BRCA1: variants seen among roughly 807,000 people sequenced by gnomAD.
The protein encoded by BRCA1 is BRCA1 DNA repair associated, also known as breast cancer type 1 susceptibility protein.
BRCA1 carries 140 observed loss-of-function variants against 173.7 expected under a neutral mutation model. That is an observed-to-expected ratio of 0.81 (90% confidence interval 0.70 to 0.93). The LOEUF is 0.93. Ranked by LOEUF, BRCA1 falls within the 40% of genes least tolerant of loss-of-function variation. The probability of loss-of-function intolerance (pLI) is 0.00; values close to 1 mark genes in which losing one functional copy is unlikely to be tolerated. For synonymous variants in BRCA1, 662 were observed against 756.0 expected (o/e 0.88, Z 2.04); for missense variants, 1,983 against 2,172.5 (o/e 0.91, Z 1.73).
At chr17:43,118,713 A>G (rs2055409452) in intron 2 of BRCA1, among the ~76,000 whole-genome samples, 1 of 151,298 alleles carries the variant, frequency 6.6e-6, no homozygotes, top group South Asian at 2.1e-4. Context: ...CTGGGATTAC[A>G]GGTGTGAGCT....
intron 18 of BRCA1, among the ~76,000 whole-genome samples, chr17:43,062,370 T>A (rs1404950366): frequency 2.0e-5 from 3 of 152,082 alleles, no homozygotes; most frequent in Non-Finnish European, 4.4e-5. Context: ...GCTGAGATTA[T>A]AAGTGTGAGC....
chr17:43,154,761 T>C (rs1259078514), intron 1 of BRCA1, among the ~76,000 whole-genome samples: 2 of 152,016 alleles, frequency 1.3e-5, no homozygotes, highest in Admixed American at 1.3e-4. Flanking sequence ...GCTCTCACAT[T>C]CTAGTGTGGT....
intron 22 of BRCA1, 120 bp from the exon 23 acceptor site, chr17:43,045,922 ATT>A (rs375078966): frequency 0.014 from 13,094 of 926,764 alleles, no homozygotes; most frequent in East Asian, 0.018. Context: ...GTAGAAGCTA[ATT>A]TTTTTTTTTT....
chr17:43,168,447 G>A (rs8068432), intron 1 of BRCA1, among the ~76,000 whole-genome samples: 51 of 152,316 alleles, frequency 3.3e-4, no homozygotes, highest in African/African-American at 1.2e-3. Context: ...AGACCAGCCT[G>A]ACCAATACGG....
chr17:43,146,771 G>T (rs929220069), intron 1 of BRCA1, among the ~76,000 whole-genome samples: 1 of 152,142 alleles, frequency 6.6e-6, no homozygotes, highest in African/African-American at 2.4e-5. Flanking sequence ...CTAGGGCAGG[G>T]CCTCACTCTC....
intron 2 of BRCA1, among the ~76,000 whole-genome samples, chr17:43,118,865 G>T (rs1454018982): frequency 1.5e-4 from 22 of 151,432 alleles, no homozygotes; most frequent in African/African-American, 5.1e-4. Context: ...TCGGATTGAA[G>T]TGATTCTTGT....
chr17:43,100,619 AC>A (rs2054374981), intron 6 of BRCA1, among the ~76,000 whole-genome samples: 1 of 51,504 alleles, frequency 1.9e-5, no homozygotes, highest in African/African-American at 1.1e-4. Flanking sequence ...CATATATATA[AC>A]ATATATATAT....
chr17:43,076,572 TG>T lies in BRCA1; in HGVS notation c.4399del (p.Gln1467ArgfsTer38). ...SQKSSEYPIS[Q>X]NPEGLSADKF... ...GTCAGCAGAAAGGCCTTCTGGATTCTGGCTTATAGGGTATTCACTACTTTTC... is the reference window on the plus strand; with the variant it reads ...GTCAGCAGAAAGGCCTTCTGGATTCTGCTTATAGGGTATTCACTACTTTTC... On this transcript the variant is annotated frameshift_variant, in exon 13 of 23. Coordinates refer to ENST00000357654, the MANE Select transcript of BRCA1 (RefSeq NM_007294.4). LOFTEE classifies it high-confidence loss of function. The T allele has an allele frequency of 6.2e-7, 1 of 1,613,776 alleles. No homozygotes were observed.
intron 8 of BRCA1, 34 bp downstream of exon 8, chr17:43,097,210 C>T (rs2154520726): frequency 6.3e-6 from 10 of 1,597,122 alleles, no homozygotes; most frequent in Non-Finnish European, 8.6e-6. Flanking sequence ...TAGGAAAATA[C>T]CAGCTTCATA....
chr17:43,108,018 G>A (rs1038530821), intron 3 of BRCA1, among the ~76,000 whole-genome samples: 1 of 151,992 alleles, frequency 6.6e-6, no homozygotes, highest in African/African-American at 2.4e-5. Flanking sequence ...ACAATGAAGA[G>A]ACCCAGGAAA....
chr17:43,086,949 T>C (rs963854577), intron 11 of BRCA1, among the ~76,000 whole-genome samples: 1 of 152,164 alleles, frequency 6.6e-6, no homozygotes, highest in Non-Finnish European at 1.5e-5. Flanking sequence ...TCTAGAGGGA[T>C]TTGCTCTGTA....
intron 2 of BRCA1, among the ~76,000 whole-genome samples, chr17:43,116,951 T>A (rs1422467397): frequency 6.6e-6 from 1 of 152,212 alleles, no homozygotes; most frequent in Non-Finnish European, 1.5e-5. Flanking sequence ...TGGTGAGGTT[T>A]AACTTGTTCC....
At chr17:43,062,699 G>A (rs1180660175) in intron 18 of BRCA1, among the ~76,000 whole-genome samples, 1 of 152,130 alleles carries the variant, frequency 6.6e-6, no homozygotes, top group Admixed American at 6.5e-5. Context: ...CCGGGTTCAA[G>A]AGATTCTCCT....
rs528681099 is a variant in BRCA1 at position 43,052,542 on chromosome 17, C to G, written c.5278-1425G>C. 1.2e-4 allele frequency among the ~76,000 whole-genome samples: 19 copies of G among 152,220 alleles called. 1 individual carries two copies. In the South Asian group the frequency reaches 3.3e-3, roughly 27 times the overall value. ...TAAACACACTGGCATAGGTTCTTAG[C>G]AAATAACTTGGGTATCACTTAAAAA... is the stretch of plus-strand genomic sequence containing the variant. On this transcript the variant is annotated intron_variant, in intron 19 of 22. Coordinates refer to ENST00000357654, the MANE Select transcript of BRCA1 (RefSeq NM_007294.4).
intron 16 of BRCA1, among the ~76,000 whole-genome samples, chr17:43,066,365 C>T (rs1284947947): frequency 6.6e-6 from 1 of 152,012 alleles, no homozygotes; most frequent in African/African-American, 2.4e-5. Flanking sequence ...AATACTCAAA[C>T]TAGGTGTTAC....
chr17:43,119,636 T>C (rs796760656), intron 2 of BRCA1, among the ~76,000 whole-genome samples: 19 of 152,112 alleles, frequency 1.2e-4, no homozygotes, highest in African/African-American at 4.4e-4. Context: ...ATTGGTATTA[T>C]TACTGGGACC....
intron 1 of BRCA1, among the ~76,000 whole-genome samples, chr17:43,143,936 C>A (rs1466542593): frequency 1.3e-5 from 2 of 152,002 alleles, no homozygotes; most frequent in Non-Finnish European, 2.9e-5. Flanking sequence ...ATAAAAAAAA[C>A]CAGGCCGGGT....
At chr17:43,046,870 A>G (rs939692575) in intron 22 of BRCA1, among the ~76,000 whole-genome samples, 14 of 152,142 alleles carry the variant, frequency 9.2e-5, no homozygotes, top group Admixed American at 9.2e-4. Context: ...CTGTATTAAC[A>G]TGAACTTCAA....
chr17:43,149,104 T>G (rs1010684020), intron 1 of BRCA1, among the ~76,000 whole-genome samples: 1 of 151,496 alleles, frequency 6.6e-6, no homozygotes, highest in East Asian at 1.9e-4. Flanking sequence ...CTTTTTTACT[T>G]TTTTTCCCCC....
Sources: allele counts gnomAD v4.1 joint callset (sites outside exome capture counted in the v4.1 genomes callset), GRCh38; gene constraint gnomAD v4.1.1; transcripts MANE v1.5; gene names NCBI Gene and HGNC (gene_info 2026-07-23, HGNC 2026-07-21).